The following ARHGEF28 variants were observed in gnomAD, a reference collection of about 807,000 sequenced individuals.
The protein encoded by ARHGEF28 is Rho guanine nucleotide exchange factor 28.
ARHGEF28 carries 152 observed loss-of-function variants against 206.6 expected under a neutral mutation model. That is an observed-to-expected ratio of 0.74 (90% confidence interval 0.64 to 0.84). The LOEUF (loss-of-function observed/expected upper bound fraction) is 0.84, where lower values mean the gene tolerates loss of function less well. Ranked by LOEUF, ARHGEF28 falls within the 40% of genes least tolerant of loss-of-function variation. ARHGEF28 has a pLI of 0.00. For synonymous variants in ARHGEF28, 763 were observed against 776.4 expected (o/e 0.98, Z 0.29); for missense variants, 2,028 against 2,073.2 (o/e 0.98, Z 0.42).
At chr5:73,869,211 T>G in intron 20 of ARHGEF28, among the ~76,000 whole-genome samples, 1 of 61,284 alleles carries the variant, frequency 1.6e-5, no homozygotes, top group Admixed American at 2.4e-4. Context: ...CTGAGGAGTG[T>G]GTGTGTGGGG....
chr5:73,801,681 A>G (rs1258643364), intron 9 of ARHGEF28, among the ~76,000 whole-genome samples: 2 of 152,050 alleles, frequency 1.3e-5, no homozygotes, highest in East Asian at 1.9e-4. Context: ...ATCTCTCTCT[A>G]CACCCCAGGC....
intron 24 of ARHGEF28, 59 bp downstream of exon 24, chr5:73,883,943 A>C: frequency 9.2e-7 from 1 of 1,087,434 alleles, no homozygotes. Context: ...AACACAGTTG[A>C]GGTGTTCTAA....
At chr5:73,744,450 G>A (rs1479613980) in intron 2 of ARHGEF28, among the ~76,000 whole-genome samples, 1 of 151,970 alleles carries the variant, frequency 6.6e-6, no homozygotes, top group Admixed American at 6.6e-5. Flanking sequence ...TATAAAATGG[G>A]ATAATAACCA....
chr5:73,688,037 G>A (rs1357548165), intron 2 of ARHGEF28, among the ~76,000 whole-genome samples: 1 of 151,924 alleles, frequency 6.6e-6, no homozygotes, highest in East Asian at 1.9e-4. Flanking sequence ...AAATAACTCT[G>A]GCAAGTGTGT....
At chr5:73,857,834 G>A in intron 15 of ARHGEF28, 55 bp downstream of exon 15, 1 of 1,545,710 alleles carries the variant, frequency 6.5e-7, no homozygotes, top group Non-Finnish European at 8.7e-7. Flanking sequence ...TAGTTTCTCA[G>A]CAGTTAGTAT....
chr5:73,745,755 T>A (rs920414189), intron 2 of ARHGEF28, among the ~76,000 whole-genome samples: 3 of 152,072 alleles, frequency 2.0e-5, no homozygotes, highest in African/African-American at 7.2e-5. Flanking sequence ...ATACCTTCAC[T>A]ATTTGACAGG....
chr5:73,817,591 G>T (rs993501299), intron 9 of ARHGEF28, among the ~76,000 whole-genome samples: 1 of 152,184 alleles, frequency 6.6e-6, no homozygotes, highest in Admixed American at 6.5e-5. Flanking sequence ...AGGGATGAAA[G>T]AATGACATAT....
intron 9 of ARHGEF28, among the ~76,000 whole-genome samples, chr5:73,826,557 T>C (rs1357076133): frequency 6.6e-6 from 1 of 152,182 alleles, no homozygotes; most frequent in Non-Finnish European, 1.5e-5. Flanking sequence ...ACCAGTCAAG[T>C]AGGCCACATT....
intron 9 of ARHGEF28, among the ~76,000 whole-genome samples, chr5:73,816,643 G>A (rs1446654881): frequency 6.6e-6 from 1 of 152,172 alleles, no homozygotes; most frequent in Non-Finnish European, 1.5e-5. Context: ...GCAGAAACTC[G>A]CTAATACCAT....
chr5:73,730,535 T>C (rs927298897), intron 2 of ARHGEF28, among the ~76,000 whole-genome samples: 1 of 73,192 alleles, frequency 1.4e-5, no homozygotes, highest in Non-Finnish European at 2.8e-5. Flanking sequence ...ATAAGGAGGA[T>C]TTTTTTTTTT....
intron 2 of ARHGEF28, among the ~76,000 whole-genome samples, chr5:73,717,086 A>T (rs961909840): frequency 1.3e-5 from 2 of 152,178 alleles, no homozygotes; most frequent in Admixed American, 1.3e-4. Flanking sequence ...AATTTTTTAG[A>T]ATCCTGAAAA....
chr5:73,701,116 G>A (rs1023597046), intron 2 of ARHGEF28, among the ~76,000 whole-genome samples: 3 of 152,158 alleles, frequency 2.0e-5, no homozygotes, highest in Admixed American at 2.0e-4. Flanking sequence ...TAGCAGTACA[G>A]TGTCCTCTTT....
At chr5:73,929,021 C>T (rs1023018548) in intron 35 of ARHGEF28, among the ~76,000 whole-genome samples, 16 of 152,076 alleles carry the variant, frequency 1.1e-4, no homozygotes, top group Admixed American at 4.6e-4. Flanking sequence ...CTGCAAGATC[C>T]GCCTCCCAGG....
At chr5:73,911,680 A>G (rs1762917554) in intron 35 of ARHGEF28, 105 bp downstream of exon 35, 1 of 1,188,488 alleles carries the variant, frequency 8.4e-7, no homozygotes, top group South Asian at 1.6e-5. Flanking sequence ...TAGCATGGGA[A>G]TAAATCGGTA....
chr5:73,758,142 C>A (rs1239793350), intron 4 of ARHGEF28, among the ~76,000 whole-genome samples: 1 of 152,096 alleles, frequency 6.6e-6, no homozygotes, highest in African/African-American at 2.4e-5. Context: ...GGTAAAGAAC[C>A]CAAGGGTACT....
chr5:73,737,562 A>C (rs1751072390), intron 2 of ARHGEF28, among the ~76,000 whole-genome samples: 2 of 140,842 alleles, frequency 1.4e-5, no homozygotes, highest in African/African-American at 5.2e-5. Context: ...CCCAGGCTGG[A>C]GTGCAATGGT....
chr5:73,651,766 TA>T (rs1273017009), intron 1 of ARHGEF28, among the ~76,000 whole-genome samples: 8 of 152,384 alleles, frequency 5.2e-5, no homozygotes, highest in African/African-American at 1.9e-4. Flanking sequence ...GTGGGACTTT[TA>T]GGCTATTTCC....
intron 1 of ARHGEF28, among the ~76,000 whole-genome samples, chr5:73,671,425 T>A (rs142561328): frequency 6.6e-6 from 1 of 152,206 alleles, no homozygotes; most frequent in East Asian, 1.9e-4. Context: ...ACTCAGACTT[T>A]TAGGTATCAG....
At chr5:73,849,453 T>G (rs919730788) in intron 13 of ARHGEF28, among the ~76,000 whole-genome samples, 1 of 152,134 alleles carries the variant, frequency 6.6e-6, no homozygotes, top group Admixed American at 6.5e-5. Flanking sequence ...ATATATACAT[T>G]GCTAACATAA....
Sources: allele counts gnomAD v4.1 joint callset (sites outside exome capture counted in the v4.1 genomes callset), GRCh38; gene constraint gnomAD v4.1.1; transcripts MANE v1.5; gene names NCBI Gene and HGNC (gene_info 2026-07-23, HGNC 2026-07-21).